The following TMC1 variants were observed in gnomAD, a reference collection of about 807,000 sequenced individuals.
TMC1 encodes transmembrane channel-like protein 1.
A neutral mutation model predicts 105.8 loss-of-function variants in TMC1; 84 were observed. That is an observed-to-expected ratio of 0.79 (90% confidence interval 0.67 to 0.95). The LOEUF is 0.95. Ranked by LOEUF, TMC1 falls within the 40% of genes least tolerant of loss-of-function variation. The probability of loss-of-function intolerance (pLI) is 0.00; values close to 1 mark genes in which losing one functional copy is unlikely to be tolerated. For synonymous variants in TMC1, 315 were observed against 311.5 expected (o/e 1.01, Z -0.12); for missense variants, 817 against 914.1 (o/e 0.89, Z 1.37).
intron 2 of TMC1, among the ~76,000 whole-genome samples, chr9:72,591,557 C>T (rs768377483): frequency 2.7e-4 from 41 of 152,076 alleles, no homozygotes; most frequent in Non-Finnish European, 4.3e-4. Context: ...TTGAGTATCA[C>T]CTGGAAGTCT....
intron 8 of TMC1, among the ~76,000 whole-genome samples, chr9:72,727,526 C>T (rs1322648517): frequency 6.6e-6 from 1 of 151,858 alleles, no homozygotes; most frequent in Non-Finnish European, 1.5e-5. Flanking sequence ...GTATAGCAAT[C>T]TATAATTTCA....
At chr9:72,691,888 T>A (rs1826471487) in intron 6 of TMC1, among the ~76,000 whole-genome samples, 1 of 152,160 alleles carries the variant, frequency 6.6e-6, no homozygotes, top group South Asian at 2.1e-4. Flanking sequence ...CTCTGGTGAA[T>A]GAGTACAAAC....
At chr9:72,768,140 G>A (rs1398605844) in intron 12 of TMC1, among the ~76,000 whole-genome samples, 1 of 152,172 alleles carries the variant, frequency 6.6e-6, no homozygotes, top group Non-Finnish European at 1.5e-5. Context: ...ATACTATGTA[G>A]CCATAAAAAA....
intron 4 of TMC1, among the ~76,000 whole-genome samples, chr9:72,635,580 C>T (rs1446218322): frequency 6.6e-6 from 1 of 152,198 alleles, no homozygotes; most frequent in Non-Finnish European, 1.5e-5. Flanking sequence ...ATCACACTAT[C>T]TCACATTATT....
At chr9:72,551,532 A>G (rs1466826044) in intron 1 of TMC1, among the ~76,000 whole-genome samples, 2 of 152,162 alleles carry the variant, frequency 1.3e-5, no homozygotes, top group East Asian at 3.9e-4. Context: ...TGGGGGATTC[A>G]GGCTCCTCCA....
chr9:72,755,112 G>A (rs554046248), intron 12 of TMC1, among the ~76,000 whole-genome samples: 29 of 150,710 alleles, frequency 1.9e-4, no homozygotes, highest in African/African-American at 3.7e-4. Context: ...AAGAAAGAAA[G>A]AGAAAGAAAG....
At chr9:72,726,959 A>G (rs181632059) in intron 8 of TMC1, among the ~76,000 whole-genome samples, 1 of 152,346 alleles carries the variant, frequency 6.6e-6, no homozygotes, top group Admixed American at 6.5e-5. Context: ...TTCAGAATTC[A>G]TTAGAACATG....
intron 8 of TMC1, among the ~76,000 whole-genome samples, chr9:72,715,872 A>G (rs1826908820): frequency 1.3e-5 from 2 of 152,114 alleles, no homozygotes; most frequent in African/African-American, 4.8e-5. Context: ...GCCTTTTCGC[A>G]CTGGTTTCTC....
At chr9:72,753,992 C>T (rs1260176315) in intron 11 of TMC1, among the ~76,000 whole-genome samples, 1 of 152,190 alleles carries the variant, frequency 6.6e-6, no homozygotes, top group Non-Finnish European at 1.5e-5. Flanking sequence ...GATTGATGTC[C>T]AGCCCTTGTT....
intron 5 of TMC1, among the ~76,000 whole-genome samples, chr9:72,667,239 G>A (rs1471079213): frequency 1.3e-5 from 2 of 152,130 alleles, no homozygotes; most frequent in African/African-American, 4.8e-5. Flanking sequence ...AGGTGAGAGT[G>A]GCAAAGGAAA....
Position 72,592,744 on chromosome 9 carries a change from C to A in TMC1, c.-306+14721C>A, listed in dbSNP as rs560999460. ...TAGGTATCAGATGCTCAATGTCTTA[C>A]ACTTATGGAACCGTCAAAGACAGCT... is the stretch of plus-strand genomic sequence containing the variant. On this transcript the variant is annotated intron_variant, in intron 2 of 23. Transcript: ENST00000297784. Among the ~76,000 whole-genome samples the A allele has an allele frequency of 5.3e-5, 8 of 152,310 alleles. No homozygotes were observed. The East Asian group carries it at 1.3e-3, about 26-fold the overall frequency.
chr9:72,740,957 A>G (rs1320691204), intron 9 of TMC1, among the ~76,000 whole-genome samples: 1 of 152,174 alleles, frequency 6.6e-6, no homozygotes, highest in African/African-American at 2.4e-5. Context: ...TCTTTGATGC[A>G]ATGTTATGTT....
chr9:72,732,181 C>T (rs1827222245), intron 8 of TMC1, among the ~76,000 whole-genome samples: 2 of 152,148 alleles, frequency 1.3e-5, no homozygotes, highest in Non-Finnish European at 2.9e-5. Flanking sequence ...ATGCACACTA[C>T]TTTTACATAA....
At chr9:72,830,836 C>CTT (rs917918766) in intron 23 of TMC1, among the ~76,000 whole-genome samples, 154 bp downstream of exon 23, 1 of 150,804 alleles carries the variant, frequency 6.6e-6, no homozygotes, top group African/African-American at 2.4e-5. Flanking sequence ...CTTTTTAGCC[C>CTT]TTCTCAGGCA....
intron 2 of TMC1, among the ~76,000 whole-genome samples, chr9:72,612,122 C>A (rs1825037435): frequency 6.6e-6 from 1 of 152,122 alleles, no homozygotes; most frequent in African/African-American, 2.4e-5. Context: ...CATCAGGATC[C>A]TTTCCCCTTC....
intron 1 of TMC1, among the ~76,000 whole-genome samples, chr9:72,557,298 G>A (rs908106067): frequency 6.6e-6 from 1 of 152,072 alleles, no homozygotes; most frequent in Non-Finnish European, 1.5e-5. Context: ...TTGAACCCGG[G>A]GGGCAAAGAT....
At chr9:72,542,972 C>T (rs1823703593) in intron 1 of TMC1, among the ~76,000 whole-genome samples, 1 of 152,116 alleles carries the variant, frequency 6.6e-6, no homozygotes, top group South Asian at 2.1e-4. Context: ...AGCCACCGCA[C>T]CCAGCTAGGC....
chr9:72,536,168 G>A (rs1823581520), intron 1 of TMC1, among the ~76,000 whole-genome samples: 1 of 152,148 alleles, frequency 6.6e-6, no homozygotes, highest in Non-Finnish European at 1.5e-5. Flanking sequence ...TGCGACTCAA[G>A]GCAACTTCTT....
At chr9:72,669,405 CA>C (rs1336495295) in intron 5 of TMC1, among the ~76,000 whole-genome samples, 1 of 152,090 alleles carries the variant, frequency 6.6e-6, no homozygotes, top group African/African-American at 2.4e-5. Flanking sequence ...GATATGACTG[CA>C]AAAATTTTGG....
Sources: allele counts gnomAD v4.1 joint callset (sites outside exome capture counted in the v4.1 genomes callset), GRCh38; gene constraint gnomAD v4.1.1; transcripts MANE v1.5; gene names NCBI Gene and HGNC (gene_info 2026-07-23, HGNC 2026-07-21).